The following STXBP5L variants were observed in gnomAD, a reference collection of about 807,000 sequenced individuals.
STXBP5L encodes the protein syntaxin-binding protein 5-like.
A neutral mutation model predicts 144.5 loss-of-function variants in STXBP5L; 65 were observed. That is an observed-to-expected ratio of 0.45 (90% CI 0.37 to 0.55). STXBP5L has a LOEUF of 0.55. STXBP5L is among the 20% of genes least tolerant of loss of function. The probability of loss-of-function intolerance (pLI) is 0.00; values close to 1 mark genes in which losing one functional copy is unlikely to be tolerated. For synonymous variants in STXBP5L, 505 were observed against 469.6 expected, an observed-to-expected ratio of 1.08 and a Z score of -0.97; for missense variants, 1,298 against 1,405.5, an observed-to-expected ratio of 0.92 and a Z score of 1.22.
rs536185534 is a variant in STXBP5L at position 121,093,084 on chromosome 3, G to T, written c.471-21841G>T. Among the ~76,000 whole-genome samples, 14 of 152,256 alleles carry T rather than the reference G, an allele frequency of 9.2e-5. No homozygotes were observed. The East Asian group carries it at 2.5e-3, about 27-fold the overall frequency. On this transcript the variant is annotated intron_variant, in intron 5 of 26. Coordinates refer to ENST00000471454, the MANE Select transcript of STXBP5L (RefSeq NM_001308330.2). Reference sequence around the variant, plus strand: ...TATGCTGGATTACATTTATTGATTTGCATATATCGAACCAGCCTTGCATCC... The same window carrying T: ...TATGCTGGATTACATTTATTGATTTTCATATATCGAACCAGCCTTGCATCC...
chr3:121,344,465 TCTG>T (rs2044869009), intron 20 of STXBP5L, among the ~76,000 whole-genome samples: 1 of 151,926 alleles, frequency 6.6e-6, no homozygotes, highest in Admixed American at 6.6e-5. Context: ...ACAAAAAAAA[TCTG>T]CTACAGGATT....
intron 20 of STXBP5L, 66 bp from the exon 21 acceptor site, chr3:121,378,650 C>A (rs182808568): frequency 2.0e-6 from 3 of 1,483,288 alleles, no homozygotes; most frequent in Non-Finnish European, 2.7e-6. Flanking sequence ...TTAATCTACA[C>A]GCTTGTATTC....
At chr3:120,913,480 A>G (rs1207723974) in intron 2 of STXBP5L, among the ~76,000 whole-genome samples, 2 of 152,080 alleles carry the variant, frequency 1.3e-5, no homozygotes, top group African/African-American at 2.4e-5. Flanking sequence ...TGATTGGTCG[A>G]TTAATTGAAA....
rs572270525 is a variant in STXBP5L at position 121,322,464 on chromosome 3, G to A, written c.2176+3924G>A. On this transcript the variant is annotated intron_variant, in intron 20 of 26. Transcript: ENST00000471454. ...TTGCACTCCAGCCTGGGCAACAAGA[G>A]CGAAACTGTGCCAAAAAAAAAAAAA... Among the ~76,000 whole-genome samples the A allele has an allele frequency of 3.5e-3, 440 of 125,018 alleles. 5 individuals are homozygous for A. Among genetic ancestry groups the A allele is most frequent in the Middle Eastern group, 4.2e-3 (1 of 236 alleles). 82.0% of individuals were successfully genotyped at this position (125,018 alleles called of 152,430 possible). A position where few individuals can be genotyped will look rare whatever the true frequency, so the allele number is the denominator to read the frequency against.
At chr3:121,308,078 A>T (rs1447964089) in intron 19 of STXBP5L, among the ~76,000 whole-genome samples, 1 of 152,156 alleles carries the variant, frequency 6.6e-6, no homozygotes, top group Non-Finnish European at 1.5e-5. Flanking sequence ...TTATATCCAG[A>T]GGGGAACAAC....
chr3:121,226,063 C>T (rs1225012785), intron 11 of STXBP5L, among the ~76,000 whole-genome samples: 2 of 152,080 alleles, frequency 1.3e-5, no homozygotes, highest in African/African-American at 2.4e-5. Flanking sequence ...CTCAAAGGGA[C>T]TTTTTGGTAA....
At chr3:120,979,402 A>T (rs1307447026) in intron 3 of STXBP5L, among the ~76,000 whole-genome samples, 1 of 152,146 alleles carries the variant, frequency 6.6e-6, no homozygotes, top group Non-Finnish European at 1.5e-5. Flanking sequence ...CTGTCGGAAA[A>T]GCGCAGTATT....
chr3:121,040,312 G>T (rs1457367082), intron 3 of STXBP5L, among the ~76,000 whole-genome samples: 2 of 152,100 alleles, frequency 1.3e-5, no homozygotes, highest in Admixed American at 6.6e-5. Context: ...AGCAGAACCA[G>T]AGCAGTCTTT....
At chr3:120,986,920 A>G (rs753986674) in intron 3 of STXBP5L, among the ~76,000 whole-genome samples, 3 of 152,008 alleles carry the variant, frequency 2.0e-5, no homozygotes, top group Non-Finnish European at 4.4e-5. Context: ...GTGGAACATA[A>G]GTGAATGGAA....
chr3:120,963,561 T>G (rs1939144621), intron 3 of STXBP5L, among the ~76,000 whole-genome samples: 1 of 152,230 alleles, frequency 6.6e-6, no homozygotes, highest in African/African-American at 2.4e-5. Context: ...TCTGTTTATT[T>G]GATGGATTAT....
intron 20 of STXBP5L, among the ~76,000 whole-genome samples, chr3:121,366,875 G>C (rs1024796522): frequency 6.6e-6 from 1 of 151,874 alleles, no homozygotes; most frequent in Non-Finnish European, 1.5e-5. Context: ...TGTTAAATGG[G>C]ATGTTTAGAT....
Position 121,422,718 on chromosome 3 carries a change from C to T in STXBP5L, c.*3621C>T, listed in dbSNP as rs1487544291. 1 of 152,120 alleles carries T rather than the reference C, an allele frequency of 6.6e-6. No homozygotes were observed. Among genetic ancestry groups the T allele is most frequent in the Non-Finnish European group, 1.5e-5 (1 of 68,020 alleles). 9.4% of individuals were successfully genotyped at this position (152,120 alleles called of 1,614,324 possible). The stretch of plus-strand genomic sequence containing the variant: ...ATGAGATGTTTTCCAGTGATTCAGT[C>T]ACAAAGACAATTTTCTCAGATCTTT... On this transcript the variant is annotated 3_prime_UTR_variant, in exon 27 of 27. Transcript: ENST00000471454.
chr3:121,116,195 AGATGTTT>A (rs1459414029), intron 6 of STXBP5L, among the ~76,000 whole-genome samples: 3 of 152,172 alleles, frequency 2.0e-5, no homozygotes, highest in Non-Finnish European at 4.4e-5. Flanking sequence ...GTCCTTGATA[AGATGTTT>A]GACTTGAAGT....
intron 12 of STXBP5L, among the ~76,000 whole-genome samples, chr3:121,237,520 T>C (rs535538728): frequency 2.6e-5 from 4 of 152,356 alleles, no homozygotes; most frequent in East Asian, 3.9e-4. Context: ...TGACTATTAA[T>C]ACCTTGCTCT....
intron 5 of STXBP5L, among the ~76,000 whole-genome samples, chr3:121,063,050 C>T (rs903742950): frequency 2.2e-4 from 33 of 152,284 alleles, no homozygotes; most frequent in Admixed American, 2.2e-3. Context: ...TGTTCCCTTG[C>T]TGGTGAGGAG....
intron 19 of STXBP5L, among the ~76,000 whole-genome samples, chr3:121,304,225 T>C (rs2043252946): frequency 6.6e-6 from 1 of 152,100 alleles, no homozygotes. Context: ...ATAAGAACTA[T>C]TCAAAATATA....
chr3:121,329,204 T>C (rs976330385), intron 20 of STXBP5L, among the ~76,000 whole-genome samples: 15 of 152,150 alleles, frequency 9.9e-5, no homozygotes, highest in African/African-American at 3.6e-4. Context: ...AAAAGTCCCG[T>C]AGGTTGGTTA....
intron 20 of STXBP5L, among the ~76,000 whole-genome samples, chr3:121,342,860 C>G (rs1363607483): frequency 7.1e-4 from 106 of 148,968 alleles, no homozygotes; most frequent in Non-Finnish European, 1.1e-3. Flanking sequence ...GGGTACATAC[C>G]CAGTAATGGG....
intron 22 of STXBP5L, among the ~76,000 whole-genome samples, chr3:121,400,489 A>G (rs2046845624): frequency 6.6e-6 from 1 of 152,214 alleles, no homozygotes; most frequent in Non-Finnish European, 1.5e-5. Flanking sequence ...CCTAGCAAAC[A>G]GTTTTAAAGA....
Sources: gnomAD v4.1 joint callset for allele counts (sites outside exome capture counted in the v4.1 genomes callset) on GRCh38, gnomAD v4.1.1 for gene constraint, MANE v1.5 for transcripts, NCBI Gene and HGNC (gene_info 2026-07-23, HGNC 2026-07-21) for gene names.